Variants in ATXN1 observed in about 807,000 individuals in gnomAD.
The protein encoded by ATXN1 is ataxin-1.
A neutral mutation model predicts 56.4 loss-of-function variants in ATXN1; 8 were observed. The ratio of observed to expected loss-of-function variants is 0.14; its 90% CI spans 0.08 to 0.26. The LOEUF (loss-of-function observed/expected upper bound fraction) is 0.26, where lower values mean the gene tolerates loss of function less well. ATXN1 is among the 10% of genes least tolerant of loss of function. ATXN1 has a pLI of 1.00. For missense variants in ATXN1, 987 were observed against 1,106.5 expected (o/e 0.89, Z 1.53); for synonymous variants, 514 against 494.6 (o/e 1.04, Z -0.52).
intron 6 of ATXN1, among the ~76,000 whole-genome samples, chr6:16,442,539 A>G (rs1377014140): frequency 6.6e-6 from 1 of 152,234 alleles, no homozygotes; most frequent in Non-Finnish European, 1.5e-5. Flanking sequence ...TCTCACTAAC[A>G]TAGATGTTAA....
At chr6:16,584,982 C>T (rs1762597398) in intron 4 of ATXN1, among the ~76,000 whole-genome samples, 1 of 151,884 alleles carries the variant, frequency 6.6e-6, no homozygotes, top group Non-Finnish European at 1.5e-5. Context: ...CCTGTAATCC[C>T]AACACTTTGG....
intron 6 of ATXN1, among the ~76,000 whole-genome samples, chr6:16,348,391 C>T (rs1761484937): frequency 6.6e-6 from 1 of 152,116 alleles, no homozygotes; most frequent in Non-Finnish European, 1.5e-5. Flanking sequence ...CTTTGATTTC[C>T]TCTTTAAGAA....
intron 3 of ATXN1, among the ~76,000 whole-genome samples, chr6:16,601,226 G>T (rs1246322468): frequency 1.3e-5 from 2 of 152,114 alleles, no homozygotes; most frequent in Non-Finnish European, 2.9e-5. Context: ...TTCAAAATAG[G>T]GTATCAGTGT....
intron 2 of ATXN1, among the ~76,000 whole-genome samples, chr6:16,675,743 G>C (rs1197110160): frequency 6.6e-6 from 1 of 152,014 alleles, no homozygotes; most frequent in Non-Finnish European, 1.5e-5. Flanking sequence ...AAAAAAATTA[G>C]CCAGGCATTG....
chr6:16,330,539 GCCACCACA>G (rs1171928887), intron 6 of ATXN1, among the ~76,000 whole-genome samples: 1 of 151,678 alleles, frequency 6.6e-6, no homozygotes, highest in Non-Finnish European at 1.5e-5. Flanking sequence ...ACAGGTGCAC[GCCACCACA>G]CCCGGCTAAT....
chr6:16,434,472 G>A (rs887734800), intron 6 of ATXN1, among the ~76,000 whole-genome samples: 1 of 152,166 alleles, frequency 6.6e-6, no homozygotes, highest in African/African-American at 2.4e-5. Context: ...GAATGGAAAT[G>A]TTCCTGAGAT....
intron 2 of ATXN1, among the ~76,000 whole-genome samples, chr6:16,751,297 T>G (rs1024284063): frequency 9.2e-5 from 14 of 152,124 alleles, no homozygotes; most frequent in African/African-American, 3.4e-4. Flanking sequence ...CAGCTGACAC[T>G]TGTAGATCTT....
intron 2 of ATXN1, chr6:16,667,124 G>A (rs1314610207): frequency 6.6e-6 from 1 of 152,098 alleles, no homozygotes; most frequent in African/African-American, 2.4e-5. Context: ...CTAGGCAGTG[G>A]ACACTTTTAT....
chr6:16,330,164 C>T (rs1760947038), intron 6 of ATXN1, among the ~76,000 whole-genome samples: 1 of 152,034 alleles, frequency 6.6e-6, no homozygotes, highest in African/African-American at 2.4e-5. Flanking sequence ...AATCCTCCTT[C>T]CTTGGCCTCC....
At chr6:16,598,601 G>A (rs1162581065) in intron 3 of ATXN1, among the ~76,000 whole-genome samples, 3 of 152,172 alleles carry the variant, frequency 2.0e-5, no homozygotes, top group Non-Finnish European at 4.4e-5. Flanking sequence ...ACCCACAGCA[G>A]CCACTCGGAC....
At chr6:16,680,549 A>T (rs1210061241) in intron 2 of ATXN1, among the ~76,000 whole-genome samples, 4 of 152,172 alleles carry the variant, frequency 2.6e-5, no homozygotes, top group Non-Finnish European at 5.9e-5. Context: ...GGCAGCTCTG[A>T]CACTGGGGCA....
chr6:16,597,902 T>C (rs6931635), intron 3 of ATXN1, among the ~76,000 whole-genome samples: 83,480 of 151,678 alleles, frequency 0.55, 25,087 homozygotes, highest in Admixed American at 0.69. Flanking sequence ...CCTACAACAC[T>C]GCTGGAAGGA....
chr6:16,437,955 G>A (rs571838799), intron 6 of ATXN1, among the ~76,000 whole-genome samples: 1 of 152,314 alleles, frequency 6.6e-6, no homozygotes, highest in East Asian at 1.9e-4. Flanking sequence ...GCAATAGAAA[G>A]ATGTGACACT....
intron 4 of ATXN1, among the ~76,000 whole-genome samples, chr6:16,561,240 T>C (rs575404792): frequency 3.3e-5 from 5 of 152,198 alleles, no homozygotes; most frequent in African/African-American, 9.6e-5. Flanking sequence ...ATAACACTCA[T>C]TGCTATTTTC....
intron 2 of ATXN1, among the ~76,000 whole-genome samples, chr6:16,669,617 T>C (rs899744278): frequency 2.0e-5 from 3 of 152,130 alleles, no homozygotes; most frequent in African/African-American, 7.2e-5. Context: ...ATGTCCCTAT[T>C]TGGTGAATAG....
intron 2 of ATXN1, among the ~76,000 whole-genome samples, chr6:16,692,127 G>A (rs968459169): frequency 2.6e-5 from 4 of 152,142 alleles, no homozygotes; most frequent in African/African-American, 4.8e-5. Flanking sequence ...GTGGTGGCAC[G>A]CACCTGTAGT....
chr6:16,526,454 A>G (rs1676982625), intron 4 of ATXN1, among the ~76,000 whole-genome samples: 1 of 152,220 alleles, frequency 6.6e-6, no homozygotes, highest in Admixed American at 6.5e-5. Context: ...CACAGGGAAT[A>G]GAATCACACA....
At chr6:16,713,573 G>C (rs1759571226) in intron 2 of ATXN1, among the ~76,000 whole-genome samples, 1 of 152,226 alleles carries the variant, frequency 6.6e-6, no homozygotes, top group African/African-American at 2.4e-5. Flanking sequence ...ATAGAGTGGA[G>C]TGATTTCAGT....
intron 3 of ATXN1, among the ~76,000 whole-genome samples, chr6:16,638,640 T>C (rs1763645165): frequency 6.6e-6 from 1 of 152,162 alleles, no homozygotes; most frequent in Admixed American, 6.6e-5. Context: ...ATCAACATAT[T>C]TCATTATAAT....
Sources: gnomAD v4.1 joint callset for allele counts (sites outside exome capture counted in the v4.1 genomes callset) on GRCh38, gnomAD v4.1.1 for gene constraint, MANE v1.5 for transcripts, NCBI Gene and HGNC (gene_info 2026-07-23, HGNC 2026-07-21) for gene names.